Variants in CDH13 observed in about 807,000 individuals in gnomAD.
CDH13 encodes cadherin-13.
Under a neutral mutation model 63.8 loss-of-function variants are expected in CDH13, and 24 were observed. The observed-to-expected ratio is 0.38, with a 90% CI of 0.27 to 0.53. CDH13 has a LOEUF of 0.53. CDH13 is among the 20% of genes least tolerant of loss of function. The pLI, the probability that CDH13 is intolerant of heterozygous loss-of-function variation, is 0.85. For missense variants in CDH13, 1,049 were observed against 903.1 expected (o/e 1.16, Z -2.07); for synonymous variants, 503 against 355.3 (o/e 1.42, Z -4.67).
chr16:82,747,380 G>C (rs1490023425), intron 1 of CDH13, among the ~76,000 whole-genome samples: 1 of 152,122 alleles, frequency 6.6e-6, no homozygotes, highest in Non-Finnish European at 1.5e-5. Flanking sequence ...TGTTTATTCA[G>C]GTAGCTTTCC....
chr16:83,716,045 G>A (rs1908846846), intron 10 of CDH13, among the ~76,000 whole-genome samples: 1 of 152,130 alleles, frequency 6.6e-6, no homozygotes, highest in African/African-American at 2.4e-5. Context: ...ATTTTGCTGA[G>A]TTCATTTTGT....
At position 82,692,371 on chromosome 16, in the gene CDH13, A is replaced by G. The variant is rs551825377; in HGVS notation, c.45+65234A>G. 1.4e-4 allele frequency among the ~76,000 whole-genome samples: 22 copies of G among 152,350 alleles called. No individual in the cohort carries two copies. The South Asian group carries it at 1.4e-3, about 10-fold the overall frequency. ...AGGATTAATTGACTCACAGTTCTGT[A>G]TGGTAGCGGAGGCTTCACAATCATG... On this transcript the variant is annotated intron_variant, in intron 1 of 13. Transcript: ENST00000567109.
At chr16:83,764,061 A>G (rs924919111) in intron 11 of CDH13, among the ~76,000 whole-genome samples, 20 of 152,220 alleles carry the variant, frequency 1.3e-4, no homozygotes, top group African/African-American at 4.8e-4. Context: ...GTTGGAAATC[A>G]TGAATGCACA....
chr16:83,288,156 C>A (rs1033029266), intron 5 of CDH13, among the ~76,000 whole-genome samples: 3 of 152,140 alleles, frequency 2.0e-5, no homozygotes, highest in African/African-American at 7.2e-5. Flanking sequence ...ATCTTGATTA[C>A]TGAGTTTTTT....
rs556905768 is a variant in CDH13 at position 83,354,330 on chromosome 16, G to A, written c.781+9324G>A. ...AATGTCATTAAACATTTATAATTTC[G>A]GGGAAACCCTTATTTCAAATCAATT... On this transcript the variant is annotated intron_variant, in intron 6 of 13. Transcript: ENST00000567109. Among the ~76,000 whole-genome samples, 13 of 152,210 alleles carry A rather than the reference G, an allele frequency of 8.5e-5. No homozygotes were observed. The South Asian group carries it at 1.5e-3, about 17-fold the overall frequency.
intron 1 of CDH13, among the ~76,000 whole-genome samples, chr16:82,769,227 G>T (rs2151094119): frequency 6.6e-6 from 1 of 152,224 alleles, no homozygotes; most frequent in African/African-American, 2.4e-5. Context: ...CCTCACTAGT[G>T]CTTGAAAGCG....
chr16:83,583,686 T>C (rs1448236557), intron 7 of CDH13, among the ~76,000 whole-genome samples: 2 of 151,580 alleles, frequency 1.3e-5, no homozygotes, highest in Non-Finnish European at 2.9e-5. Context: ...GGTGGGCAGA[T>C]CACCTGAGGT....
chr16:83,336,598 C>T (rs573279986), intron 5 of CDH13, among the ~76,000 whole-genome samples: 2 of 152,274 alleles, frequency 1.3e-5, no homozygotes, highest in East Asian at 3.9e-4. Context: ...TCTGAAAATC[C>T]TGTGCACACA....
At chr16:82,661,268 C>G (rs996422477) in intron 1 of CDH13, among the ~76,000 whole-genome samples, 3 of 152,256 alleles carry the variant, frequency 2.0e-5, no homozygotes, top group African/African-American at 7.2e-5. Flanking sequence ...TCCATTGAAA[C>G]AGATTAGCTC....
intron 2 of CDH13, among the ~76,000 whole-genome samples, chr16:82,927,457 T>C (rs569837049): frequency 2.6e-5 from 4 of 152,294 alleles, no homozygotes; most frequent in Admixed American, 6.5e-5. Flanking sequence ...GTTGAAGTAA[T>C]ATAAGGATAC....
chr16:83,029,669 A>G (rs151166495), intron 2 of CDH13, among the ~76,000 whole-genome samples: 140 of 152,272 alleles, frequency 9.2e-4, no homozygotes, highest in African/African-American at 3.2e-3. Context: ...TGCAGGTAAA[A>G]CCAATCTGTG....
intron 6 of CDH13, among the ~76,000 whole-genome samples, chr16:83,466,407 C>T (rs1403187035): frequency 6.6e-6 from 1 of 152,206 alleles, no homozygotes; most frequent in African/African-American, 2.4e-5. Context: ...AGAAACAGTC[C>T]AGCAACAGAG....
In CDH13 at chr16:83,264,588, A is replaced by AT. The variant is rs1393510598; in HGVS notation, c.636+47092dup. On this transcript the variant is annotated intron_variant, in intron 5 of 13. Transcript: ENST00000567109. ...TGTGTATACATATGTGTATATATAT[A>AT]TATGCCCTTTAAGACTAATGCAATA... Among the ~76,000 whole-genome samples the AT allele has an allele frequency of 2.0e-5, 3 of 151,958 alleles. No individual in the cohort carries two copies. In the East Asian group the frequency reaches 5.8e-4, roughly 29 times the overall value.
At chr16:82,998,844 T>C (rs1912539606) in intron 2 of CDH13, among the ~76,000 whole-genome samples, 1 of 150,278 alleles carries the variant, frequency 6.7e-6, no homozygotes, top group Non-Finnish European at 1.5e-5. Context: ...AACGCTGCCA[T>C]GTAATTTCCC....
intron 4 of CDH13, among the ~76,000 whole-genome samples, chr16:83,213,523 G>T (rs1218139452): frequency 6.6e-6 from 1 of 152,148 alleles, no homozygotes; most frequent in East Asian, 1.9e-4. Flanking sequence ...TTTCCTGGCA[G>T]GTCTTCACCA....
intron 4 of CDH13, among the ~76,000 whole-genome samples, chr16:83,183,068 G>A (rs2038400322): frequency 6.6e-6 from 1 of 152,012 alleles, no homozygotes; most frequent in African/African-American, 2.4e-5. Flanking sequence ...TTTCAGATAA[G>A]GTTCCTTCTT....
intron 1 of CDH13, among the ~76,000 whole-genome samples, chr16:82,840,710 A>G (rs76079816): frequency 0.073 from 11,000 of 151,656 alleles, 439 homozygotes; most frequent in Non-Finnish European, 0.091. Flanking sequence ...AAAGAAAAAA[A>G]CTTGCATAAT....
chr16:83,121,639 C>T (rs905488975), intron 3 of CDH13, among the ~76,000 whole-genome samples: 2 of 152,184 alleles, frequency 1.3e-5, no homozygotes, highest in African/African-American at 4.8e-5. Context: ...GTAACTTTGT[C>T]CCTGCTATGG....
At position 83,298,719 on chromosome 16, in the gene CDH13, G is replaced by C. The variant is rs147002885; in HGVS notation, c.637-46143G>C. On this transcript the variant is annotated intron_variant, in intron 5 of 13. Transcript: ENST00000567109. ...ACTGGACTTGGAAAGGCCTAAGGTTGAGAGGCTCAGATGGCCCCAGAGTAA... is the reference window on the plus strand; with the variant it reads ...ACTGGACTTGGAAAGGCCTAAGGTTCAGAGGCTCAGATGGCCCCAGAGTAA... 3.3e-5 allele frequency among the ~76,000 whole-genome samples: 5 copies of C among 152,310 alleles called. No individual in the cohort carries two copies. The East Asian group carries it at 7.7e-4, about 24-fold the overall frequency.
Sources: gnomAD v4.1 joint callset for allele counts (sites outside exome capture counted in the v4.1 genomes callset) on GRCh38, gnomAD v4.1.1 for gene constraint, MANE v1.5 for transcripts, NCBI Gene and HGNC (gene_info 2026-07-23, HGNC 2026-07-21) for gene names.